The following TAF1B variants were observed in gnomAD, a reference collection of about 807,000 sequenced individuals.
TAF1B encodes the protein TATA box-binding protein-associated factor RNA polymerase I subunit B.
In TAF1B, 61 loss-of-function variants were observed where a neutral mutation model predicts 83.9. The observed-to-expected ratio is 0.73, with a 90% CI of 0.59 to 0.90. TAF1B has a LOEUF of 0.90. TAF1B is among the 40% of genes least tolerant of loss of function. The pLI, the probability that TAF1B is intolerant of heterozygous loss-of-function variation, is 0.00. For missense variants in TAF1B, 625 were observed against 677.0 expected (o/e 0.92, Z 0.85); for synonymous variants, 221 against 224.6 (o/e 0.98, Z 0.14).
rs529417084 is a variant in TAF1B at position 9,913,002 on chromosome 2, A to G, written c.1181-157A>G. ...AGTGAGGAGTGAGTTTTTATACTTT[A>G]CTGCATTCAGTTCTGTTGTCTCTCT... On this transcript the variant is annotated intron_variant, in intron 11 of 14. Transcript: ENST00000263663. Among the ~76,000 whole-genome samples the G allele has an allele frequency of 2.6e-5, 4 of 152,320 alleles. No individual in the cohort carries two copies. The South Asian group carries it at 8.3e-4, about 32-fold the overall frequency.
intron 5 of TAF1B, among the ~76,000 whole-genome samples, chr2:9,863,410 A>G (rs1007851113): frequency 1.3e-5 from 2 of 152,228 alleles, no homozygotes; most frequent in Non-Finnish European, 1.5e-5. Context: ...TCCTAAATAT[A>G]TATGCACCCA....
intron 5 of TAF1B, among the ~76,000 whole-genome samples, chr2:9,861,035 G>A (rs1194514736): frequency 6.6e-6 from 1 of 152,204 alleles, no homozygotes; most frequent in Non-Finnish European, 1.5e-5. Flanking sequence ...GCAGAAGACG[G>A]GTGATTTCTG....
At chr2:9,870,358 C>T (rs1167731776) in intron 6 of TAF1B, among the ~76,000 whole-genome samples, 2 of 152,098 alleles carry the variant, frequency 1.3e-5, no homozygotes, top group Non-Finnish European at 2.9e-5. Context: ...CATGGTGGTG[C>T]ATGCCTACAG....
At chr2:9,846,815 AGTG>A (rs1222563876) in intron 2 of TAF1B, among the ~76,000 whole-genome samples, 4 of 152,122 alleles carry the variant, frequency 2.6e-5, no homozygotes, top group African/African-American at 4.8e-5. Flanking sequence ...TCTTGATTAT[AGTG>A]GTGGTTTCAT....
chr2:9,887,959 C>A (rs1245078163), intron 8 of TAF1B, among the ~76,000 whole-genome samples: 2 of 152,030 alleles, frequency 1.3e-5, no homozygotes, highest in Non-Finnish European at 2.9e-5. Context: ...CTTAAGCAAT[C>A]CTTTTGCCTC....
intron 9 of TAF1B, among the ~76,000 whole-genome samples, chr2:9,907,052 T>A (rs989889285): frequency 2.0e-5 from 3 of 151,972 alleles, no homozygotes; most frequent in Non-Finnish European, 4.4e-5. Context: ...TAGTTTTTTT[T>A]ATTGTTATTA....
chr2:9,851,337 AG>A (rs1203918619), intron 3 of TAF1B, among the ~76,000 whole-genome samples: 3 of 152,170 alleles, frequency 2.0e-5, no homozygotes, highest in African/African-American at 7.2e-5. Context: ...ACACATTGCC[AG>A]GTTGGAAACA....
At chr2:9,870,884 GT>G (rs2125148235) in intron 6 of TAF1B, among the ~76,000 whole-genome samples, 1 of 152,216 alleles carries the variant, frequency 6.6e-6, no homozygotes, top group South Asian at 2.1e-4. Flanking sequence ...TATTTATTTA[GT>G]TTTCTGTTTA....
At position 9,920,972 on chromosome 2, in the gene TAF1B, G is replaced by T. The variant is rs753903339; in HGVS notation, c.1565+1152G>T. On this transcript the variant is annotated intron_variant, in intron 14 of 14. Transcript: ENST00000263663. Reference sequence around the variant, plus strand: ...CTTCATCAGGTTTAATTAATGATCGGCTCTGTGGCATACTGGCTCTTAGAC... The same window carrying T: ...CTTCATCAGGTTTAATTAATGATCGTCTCTGTGGCATACTGGCTCTTAGAC... 2.6e-4 allele frequency among the ~76,000 whole-genome samples: 40 copies of T among 152,220 alleles called. 1 individual carries two copies. Among genetic ancestry groups the T allele is most frequent in the Middle Eastern group, 6.8e-3 (2 of 294 alleles).
At chr2:9,847,373 G>T (rs1172336958) in intron 2 of TAF1B, among the ~76,000 whole-genome samples, 1 of 152,188 alleles carries the variant, frequency 6.6e-6, no homozygotes, top group African/African-American at 2.4e-5. Context: ...TTCTTCACAT[G>T]GACTGTGAGA....
At chr2:9,843,755 G>A (rs1663104395) in intron 1 of TAF1B, 196 bp downstream of exon 1, 3 of 548,692 alleles carry the variant, frequency 5.5e-6, no homozygotes, top group African/African-American at 2.0e-5. Context: ...TAAAGAGGCT[G>A]GAGTTTCTGG....
chr2:9,920,842 C>G (rs1383528373), intron 14 of TAF1B, among the ~76,000 whole-genome samples: 1 of 152,068 alleles, frequency 6.6e-6, no homozygotes, highest in Non-Finnish European at 1.5e-5. Context: ...GTTATTGGGT[C>G]TGGATAAAAT....
At chr2:9,874,938 TA>T (rs1664276376) in intron 6 of TAF1B, among the ~76,000 whole-genome samples, 1 of 152,142 alleles carries the variant, frequency 6.6e-6, no homozygotes, top group South Asian at 2.1e-4. Flanking sequence ...TGTTCACTAT[TA>T]AAAAATTCAA....
At chr2:9,892,022 A>G (rs1238000959) in intron 8 of TAF1B, among the ~76,000 whole-genome samples, 2 of 152,210 alleles carry the variant, frequency 1.3e-5, no homozygotes, top group East Asian at 3.8e-4. Flanking sequence ...AAGCCTTCAC[A>G]TTCACTCACC....
intron 14 of TAF1B, among the ~76,000 whole-genome samples, chr2:9,929,088 G>A (rs376259957): frequency 1.2e-4 from 19 of 152,238 alleles, no homozygotes; most frequent in African/African-American, 3.6e-4. Flanking sequence ...GAATTTTGTC[G>A]AAGGCCTCTT....
At position 9,911,537 on chromosome 2, in the gene TAF1B, A is replaced by G. The variant is rs528962995; in HGVS notation, c.1160A>G (p.His387Arg). The change falls in exon 11 of 15, where the codon CAT (histidine) becomes CGT (arginine). Residue 387 changes from histidine to arginine, a missense_variant. His to Arg is a conservative substitution (Grantham distance 29, BLOSUM62 0). Coordinates refer to ENST00000263663, the MANE Select transcript of TAF1B (RefSeq NM_005680.3). ...TCTTTGTCTAATCTTGCTGAAAAGC[A>G]TAATGAAAAGAACAAAAAAGGTATT... is the stretch of plus-strand genomic sequence containing the variant. ...EWSLSNLAEKHNEKNKKDKPW... is the reference protein window; with the variant it reads ...EWSLSNLAEKRNEKNKKDKPW... The G allele has an allele frequency of 3.3e-6, 5 of 1,525,862 alleles. No individual in the cohort carries two copies. The highest frequency in any genetic ancestry group is 4.5e-5 in the Admixed American group (2 of 44,814). 94.5% of individuals were successfully genotyped at this position (1,525,862 alleles called of 1,614,324 possible).
intron 5 of TAF1B, among the ~76,000 whole-genome samples, chr2:9,861,298 A>G (rs1292486856): frequency 6.6e-6 from 1 of 152,246 alleles, no homozygotes; most frequent in East Asian, 1.9e-4. Context: ...CCAGGAGATT[A>G]TATCCCACAC....
chr2:9,863,654 GCACCA>G (rs1386150405), intron 5 of TAF1B, among the ~76,000 whole-genome samples: 3 of 152,142 alleles, frequency 2.0e-5, no homozygotes, highest in African/African-American at 4.8e-5. Flanking sequence ...ATTATTTTCA[GCACCA>G]CACCACACCT....
chr2:9,845,720 C>T (rs763608580), intron 2 of TAF1B: 40 of 256,850 alleles, frequency 1.6e-4, no homozygotes, highest in East Asian at 1.2e-3. Flanking sequence ...CAGTGGCTTA[C>T]GCCTGTAATC....
Sources: allele counts gnomAD v4.1 joint callset (sites outside exome capture counted in the v4.1 genomes callset), GRCh38; gene constraint gnomAD v4.1.1; transcripts MANE v1.5; gene names NCBI Gene and HGNC (gene_info 2026-07-23, HGNC 2026-07-21).